ZNF644: variants seen among roughly 807,000 people sequenced by gnomAD.
ZNF644 encodes zinc finger motif enhancer binding protein 2.
In ZNF644, 20 loss-of-function variants were observed where a neutral mutation model predicts 108.0. The observed-to-expected ratio is 0.19, with a 90% confidence interval of 0.13 to 0.27. ZNF644 has a LOEUF of 0.27. Ranked by LOEUF, ZNF644 falls within the 10% of genes least tolerant of loss-of-function variation. The probability of loss-of-function intolerance (pLI) is 1.00; values close to 1 mark genes in which losing one functional copy is unlikely to be tolerated. For missense variants in ZNF644, 1,338 were observed against 1,548.9 expected (o/e 0.86, Z 2.29); for synonymous variants, 542 against 539.1 (o/e 1.01, Z -0.08).
rs1187402152 is a variant in ZNF644, at chr1:90,941,024, C to A, written c.330G>T (p.Leu110Phe). ...APTVSSENFI[L>F]PKGAAVNGPV... ...GTCCATTAACAGCAGCTCCTTTAGGCAAGATAAAGTTTTCACTAGAAACAG... is the reference window on the plus strand; with the variant it reads ...GTCCATTAACAGCAGCTCCTTTAGGAAAGATAAAGTTTTCACTAGAAACAG... Residue 110 changes from leucine (L) to phenylalanine (F), a missense_variant, in exon 3 of 6, where the codon TTG becomes TTT. By Grantham distance (22) the Leu-to-Phe change is conservative. Transcript: ENST00000337393. The A allele has an allele frequency of 4.3e-6, 7 of 1,613,952 alleles. No homozygotes were observed. Among genetic ancestry groups the A allele is most frequent in the African/African-American group, 1.3e-5 (1 of 74,914 alleles).
intron 4 of ZNF644, among the ~76,000 whole-genome samples, chr1:90,922,707 T>C (rs1649596043): frequency 6.6e-6 from 1 of 152,046 alleles, no homozygotes; most frequent in Non-Finnish European, 1.5e-5. Flanking sequence ...CAGTACCTGA[T>C]AGGTAGTTTT....
chr1:91,016,390 C>G (rs1285189584), intron 1 of ZNF644, among the ~76,000 whole-genome samples: 1 of 152,214 alleles, frequency 6.6e-6, no homozygotes, highest in Non-Finnish European at 1.5e-5. Context: ...GTAGAGCCTA[C>G]TTACACACCT....
At chr1:90,943,926 T>C (rs988038837) in intron 2 of ZNF644, among the ~76,000 whole-genome samples, 1 of 152,242 alleles carries the variant, frequency 6.6e-6, no homozygotes, top group African/African-American at 2.4e-5. Flanking sequence ...CTCATAAATC[T>C]GAAACGAACG....
intron 2 of ZNF644, among the ~76,000 whole-genome samples, chr1:90,956,277 C>T (rs1014827143): frequency 7.2e-5 from 11 of 152,152 alleles, no homozygotes; most frequent in Non-Finnish European, 8.8e-5. Flanking sequence ...AAATGTGATA[C>T]GGAGATACGA....
In ZNF644 at chr1:91,007,219, C is replaced by CGTTTTTT. The variant is rs1557658445; in HGVS notation, c.-18+14770_-18+14771insAAAAAAC. ...ATTCTTAATTTCTTCCATTTTCTCC[C>CGTTTTTT]ATTTTGTTTTTTTTTTTTTTTTTTT... On this transcript the variant is annotated intron_variant, in intron 1 of 5. Transcript: ENST00000337393. Among the ~76,000 whole-genome samples, 6 of 114,294 alleles carry CGTTTTTT rather than the reference C, an allele frequency of 5.2e-5. 1 individual carries two copies. The highest frequency in any genetic ancestry group is 2.8e-4 in the South Asian group (1 of 3,564). 75.0% of individuals were successfully genotyped at this position (114,294 alleles called of 152,430 possible).
intron 4 of ZNF644, among the ~76,000 whole-genome samples, chr1:90,933,930 T>C (rs1651036744): frequency 6.6e-6 from 1 of 152,198 alleles, no homozygotes; most frequent in Admixed American, 6.5e-5. Flanking sequence ...TTCCAGTACC[T>C]ACAACTTGTA....
chr1:90,985,391 T>TA, intron 1 of ZNF644, among the ~76,000 whole-genome samples: 1 of 152,338 alleles, frequency 6.6e-6, no homozygotes, highest in East Asian at 1.9e-4. Flanking sequence ...TTCTGTGCAA[T>TA]AGATCACTAA....
At chr1:90,970,580 AT>A (rs1655349497) in intron 2 of ZNF644, among the ~76,000 whole-genome samples, 1 of 152,158 alleles carries the variant, frequency 6.6e-6, no homozygotes, top group Non-Finnish European at 1.5e-5. Flanking sequence ...AAAAATTCCA[AT>A]CTAAATGACT....
chr1:91,006,789 C>G (rs1659459540), intron 1 of ZNF644, among the ~76,000 whole-genome samples: 1 of 148,750 alleles, frequency 6.7e-6, no homozygotes, highest in African/African-American at 2.5e-5. Context: ...ATCCTACTTT[C>G]TGGATCCCCC....
chr1:90,997,738 G>A (rs1658294181), intron 1 of ZNF644, among the ~76,000 whole-genome samples: 4 of 152,184 alleles, frequency 2.6e-5, no homozygotes, highest in Non-Finnish European at 5.9e-5. Flanking sequence ...CCGAAGCAGG[G>A]CGAGGCATCG....
chr1:90,946,436 T>A (rs1652524292), intron 2 of ZNF644, among the ~76,000 whole-genome samples: 1 of 152,136 alleles, frequency 6.6e-6, no homozygotes, highest in Admixed American at 6.6e-5. Context: ...GAGGATTGAA[T>A]AAGATGATTT....
Position 90,916,658 on chromosome 1 carries a change from T to G in ZNF644, c.*140A>C, listed in dbSNP as rs1437509814. The G allele has an allele frequency of 3.6e-6, 3 of 842,586 alleles. No individual in the cohort carries two copies. The highest frequency in any genetic ancestry group is 3.8e-6 in the Non-Finnish European group (2 of 521,946). 52.2% of individuals were successfully genotyped at this position (842,586 alleles called of 1,614,324 possible). ...TACTTACTGTTTTAAGTATTCAATT[T>G]GCTCTGATGTCACTGTAATTCACTT... On this transcript the variant is annotated 3_prime_UTR_variant, in exon 6 of 6. Transcript: ENST00000337393.
intron 2 of ZNF644, among the ~76,000 whole-genome samples, chr1:90,965,515 A>G (rs1654771396): frequency 6.6e-6 from 1 of 152,134 alleles, no homozygotes; most frequent in South Asian, 2.1e-4. Flanking sequence ...TTTCAACATA[A>G]GAATTTGGAG....
At chr1:91,012,708 G>A (rs1014533773) in intron 1 of ZNF644, among the ~76,000 whole-genome samples, 4 of 152,006 alleles carry the variant, frequency 2.6e-5, no homozygotes, top group Non-Finnish European at 2.9e-5. Context: ...TCATGTCTGT[G>A]CTTTTTTTAC....
chr1:90,930,693 T>C (rs1557553733), intron 4 of ZNF644, among the ~76,000 whole-genome samples: 1 of 152,212 alleles, frequency 6.6e-6, no homozygotes, highest in Non-Finnish European at 1.5e-5. Context: ...TTTAGGTGAG[T>C]ACACAAGGAA....
At chr1:90,991,431 G>A (rs1406068141) in intron 1 of ZNF644, among the ~76,000 whole-genome samples, 1 of 152,138 alleles carries the variant, frequency 6.6e-6, no homozygotes, top group Non-Finnish European at 1.5e-5. Flanking sequence ...AAACTCCTAG[G>A]TATTTGTCCA....
chr1:90,971,223 C>T (rs555713145), intron 2 of ZNF644, among the ~76,000 whole-genome samples: 88 of 55,898 alleles, frequency 1.6e-3, no homozygotes, highest in Non-Finnish European at 1.8e-3. Flanking sequence ...AAGGATAGTT[C>T]ATCAACATAA....
At chr1:90,946,309 A>G (rs955107416) in intron 2 of ZNF644, among the ~76,000 whole-genome samples, 7 of 152,010 alleles carry the variant, frequency 4.6e-5, no homozygotes, top group Non-Finnish European at 7.4e-5. Context: ...AAAAATACAG[A>G]ACACTTGTAA....
intron 2 of ZNF644, among the ~76,000 whole-genome samples, chr1:90,958,932 C>T (rs1044865716): frequency 1.6e-5 from 2 of 124,234 alleles, no homozygotes; most frequent in Non-Finnish European, 3.5e-5. Flanking sequence ...ATCAAAAGCA[C>T]GAACAGCAAA....
Sources: gnomAD v4.1 joint callset for allele counts (sites outside exome capture counted in the v4.1 genomes callset) on GRCh38, gnomAD v4.1.1 for gene constraint, MANE v1.5 for transcripts, NCBI Gene and HGNC (gene_info 2026-07-23, HGNC 2026-07-21) for gene names.